METTL6: variants seen among roughly 807,000 people sequenced by gnomAD.
METTL6 encodes the protein methyltransferase 6, tRNA N3-cytidine, also known as tRNA N(3)-cytidine methyltransferase METTL6.
In METTL6, 22 loss-of-function variants were observed where a neutral mutation model predicts 26.4. That is an observed-to-expected ratio of 0.83 (90% confidence interval 0.59 to 1.19). The LOEUF (loss-of-function observed/expected upper bound fraction) is 1.19. Ranked by LOEUF, METTL6 falls within the 50% of genes most tolerant of loss-of-function variation. The pLI is 0.00. For missense variants in METTL6, 304 were observed against 324.8 expected (o/e 0.94, Z 0.49); for synonymous variants, 109 against 116.2 (o/e 0.94, Z 0.40).
At chr3:15,385,622 A>G (rs1380501472) in intron 6 of METTL6, among the ~76,000 whole-genome samples, 1 of 151,994 alleles carries the variant, frequency 6.6e-6, no homozygotes, top group Non-Finnish European at 1.5e-5. Context: ...ACGAACAAAA[A>G]AACCCCACTT....
intron 6 of METTL6, among the ~76,000 whole-genome samples, chr3:15,391,561 A>G (rs959751649): frequency 2.6e-5 from 4 of 151,996 alleles, no homozygotes; most frequent in African/African-American, 9.7e-5. Context: ...GGTTTATTAC[A>G]TATATATACA....
intron 3 of METTL6, among the ~76,000 whole-genome samples, chr3:15,416,956 G>A (rs763598624): frequency 1.3e-5 from 2 of 152,204 alleles, no homozygotes; most frequent in Non-Finnish European, 2.9e-5. Context: ...TAGACAGGGT[G>A]AATCTAATTC....
intron 6 of METTL6, among the ~76,000 whole-genome samples, chr3:15,385,517 G>C (rs1038202190): frequency 1.3e-5 from 2 of 152,164 alleles, no homozygotes; most frequent in Admixed American, 6.5e-5. Flanking sequence ...AGAATTGCTT[G>C]AACTCGGGAG....
intron 4 of METTL6, chr3:15,414,941 T>C (rs1700131754): frequency 8.8e-7 from 1 of 1,139,806 alleles, no homozygotes; most frequent in Non-Finnish European, 1.1e-6. Flanking sequence ...TAAATAAGTG[T>C]TAGAGACAAT....
At chr3:15,409,174 C>T (rs1575412717), downstream of METTL6, among the ~76,000 whole-genome samples, 1 of 152,298 alleles carries the variant, frequency 6.6e-6, no homozygotes, top group East Asian at 1.9e-4. Flanking sequence ...TCTTCAGGAG[C>T]CAGGATTTAT....
rs2061755351 is a variant in METTL6 at position 15,427,499 on chromosome 3, G to T, written c.-222C>A. Reference sequence around the variant, plus strand: ...GAGGACCACGAATTCGGATTATCCGGGAGTTCTTTTGCCATGGCACCGCCC... The same window carrying T: ...GAGGACCACGAATTCGGATTATCCGTGAGTTCTTTTGCCATGGCACCGCCC... On this transcript the variant is annotated 5_prime_UTR_variant, in exon 1 of 6. Transcript: ENST00000383790. The T allele has an allele frequency of 4.0e-6, 2 of 498,114 alleles. No homozygotes were observed. The highest frequency in any genetic ancestry group is 7.2e-6 in the Non-Finnish European group (2 of 276,064). 30.9% of individuals were successfully genotyped at this position (498,114 alleles called of 1,614,324 possible). A position where few individuals can be genotyped will look rare whatever the true frequency, so the allele number is the denominator to read the frequency against.
intron 5 of METTL6, among the ~76,000 whole-genome samples, chr3:15,412,662 T>A (rs1030326731): frequency 2.6e-5 from 4 of 151,880 alleles, no homozygotes; most frequent in Admixed American, 2.6e-4. Flanking sequence ...ATTTTTTTTT[T>A]TTTATTTTTA....
chr3:15,418,366 G>C (rs1238908439), intron 3 of METTL6, among the ~76,000 whole-genome samples: 2 of 152,124 alleles, frequency 1.3e-5, no homozygotes, highest in Non-Finnish European at 2.9e-5. Flanking sequence ...GACTCTAAGA[G>C]AAATGCTAAA....
Position 15,426,334 on chromosome 3 carries a change from T to C in METTL6, c.178A>G (p.Arg60Gly). The change falls in exon 2 of 6, where the codon AGA (arginine) becomes GGA (glycine). Residue 60 changes from arginine (R) to glycine (G), a missense_variant. By Grantham distance (125) the Arg-to-Gly change is moderately radical (BLOSUM62 -2). Coordinates refer to ENST00000383790, the MANE Select transcript of METTL6 (RefSeq NM_152396.4). ...TCAAACTCTCTGGTGGTCCAGTGTC[T>C]GTCTTTGAAGAAATTAGTGCTATTT... is the stretch of plus-strand genomic sequence containing the variant. ...KRNSTNFFKDRHWTTREFEEL... is the reference protein window; with the variant it reads ...KRNSTNFFKDGHWTTREFEEL... The C allele has an allele frequency of 1.2e-6, 2 of 1,614,246 alleles. No homozygotes were observed. Among genetic ancestry groups the C allele is most frequent in the East Asian group, 2.2e-5 (1 of 44,888 alleles).
chr3:15,385,372 C>T (rs925320377), intron 6 of METTL6, among the ~76,000 whole-genome samples: 1 of 152,010 alleles, frequency 6.6e-6, no homozygotes, highest in Non-Finnish European at 1.5e-5. Flanking sequence ...CCGAGGTGGG[C>T]GGATCATCTG....
At chr3:15,390,118 A>G (rs1699304644) in intron 6 of METTL6, among the ~76,000 whole-genome samples, 1 of 152,236 alleles carries the variant, frequency 6.6e-6, no homozygotes, top group East Asian at 1.9e-4. Context: ...GCATCAGTTC[A>G]GTAGTTTCAA....
intron 6 of METTL6, among the ~76,000 whole-genome samples, chr3:15,398,598 A>C (rs1699555832): frequency 6.6e-6 from 1 of 152,216 alleles, no homozygotes; most frequent in South Asian, 2.1e-4. Context: ...CTGTAATCCC[A>C]ACACTTTGAA....
At chr3:15,385,831 C>T (rs6442520) in intron 6 of METTL6, among the ~76,000 whole-genome samples, 23,173 of 152,196 alleles carry the variant, frequency 0.15, 3,158 homozygotes, top group African/African-American at 0.37. Flanking sequence ...TCTCTGCTTA[C>T]ATTAATTTTG....
chr3:15,416,093 T>C (rs1700193872), intron 3 of METTL6, 151 bp from the exon 4 acceptor site: 1 of 664,974 alleles, frequency 1.5e-6, no homozygotes, highest in Admixed American at 3.3e-5. Flanking sequence ...AATCACTCAC[T>C]ATAAAGCATG....
intron 6 of METTL6, among the ~76,000 whole-genome samples, chr3:15,398,171 G>A (rs1490099791): frequency 1.3e-5 from 2 of 151,768 alleles, no homozygotes; most frequent in African/African-American, 4.9e-5. Flanking sequence ...CCTGGCGTCA[G>A]TTGAACTCTC....
chr3:15,387,758 A>T, intron 6 of METTL6, among the ~76,000 whole-genome samples: 1 of 152,150 alleles, frequency 6.6e-6, no homozygotes. Context: ...ATTGCTAGGG[A>T]GAATGAATGG....
chr3:15,390,604 A>C (rs1575386766), intron 6 of METTL6, among the ~76,000 whole-genome samples: 2 of 152,242 alleles, frequency 1.3e-5, no homozygotes, highest in East Asian at 3.9e-4. Context: ...AACTGGAAAA[A>C]ACGAATGCTG....
At position 15,423,196 on chromosome 3, in the gene METTL6, G is replaced by A. The variant is rs375133882; in HGVS notation, c.360+1759C>T. Among the ~76,000 whole-genome samples, 8 of 152,146 alleles carry A rather than the reference G, an allele frequency of 5.3e-5. No individual in the cohort carries two copies. In the East Asian group the frequency reaches 1.3e-3, roughly 26 times the overall value. On this transcript the variant is annotated intron_variant, in intron 3 of 5. Coordinates refer to ENST00000383790, the MANE Select transcript of METTL6 (RefSeq NM_152396.4). ...GGATTACCTGAGGCCAGGAGTTTGA[G>A]ACCAGCGTGGCTAACATGGCGAAAC... is the stretch of plus-strand genomic sequence containing the variant.
In METTL6 at chr3:15,414,069, T is replaced by C; in HGVS notation, c.625A>G (p.Asn209Asp). The C allele has an allele frequency of 1.2e-6, 2 of 1,614,204 alleles. No homozygotes were observed. The highest frequency in any genetic ancestry group is 1.7e-6 in the Non-Finnish European group (2 of 1,180,044). ...RFKASSKLGE[N>D]FYVRQDGTRS... Reference sequence around the variant, plus strand: ...GTCCCATCTTGTCTAACATAAAAGTTTTCTCCAAGTTTGCTGCTGGCTTTA... The same window carrying C: ...GTCCCATCTTGTCTAACATAAAAGTCTTCTCCAAGTTTGCTGCTGGCTTTA... Residue 209 changes from asparagine to aspartate, a missense_variant, in exon 5 of 6, where the codon AAC (asparagine) becomes GAC (aspartate). Asn to Asp is a conservative substitution (Grantham distance 23). Transcript: ENST00000383790.
Sources: allele counts gnomAD v4.1 joint callset (sites outside exome capture counted in the v4.1 genomes callset), GRCh38; gene constraint gnomAD v4.1.1; transcripts MANE v1.5; gene names NCBI Gene and HGNC (gene_info 2026-07-23, HGNC 2026-07-21).